SNX29: variants seen among roughly 807,000 people sequenced by gnomAD.
SNX29 encodes the protein sorting nexin 29, also known as sorting nexin-29.
SNX29 carries 78 observed loss-of-function variants against 102.1 expected under a neutral mutation model. That is an observed-to-expected ratio of 0.76 (90% confidence interval 0.64 to 0.92). The LOEUF (loss-of-function observed/expected upper bound fraction) is 0.92. Among genes scored for constraint, SNX29 ranks in the 40% least tolerant of loss-of-function variants. SNX29 has a pLI of 0.00. For synonymous variants in SNX29, 580 were observed against 414.5 expected (o/e 1.40, Z -4.85); for missense variants, 1,280 against 1,061.7 (o/e 1.21, Z -2.86).
chr16:12,143,254 C>T (rs977755352), intron 13 of SNX29, among the ~76,000 whole-genome samples: 2 of 152,166 alleles, frequency 1.3e-5, no homozygotes, highest in East Asian at 1.9e-4. Flanking sequence ...ACCTCGGCCT[C>T]CCAAAGTGCT....
At chr16:12,324,025 A>C (rs1204540037) in intron 15 of SNX29, among the ~76,000 whole-genome samples, 4 of 151,414 alleles carry the variant, frequency 2.6e-5, no homozygotes, top group Non-Finnish European at 5.9e-5. Flanking sequence ...TACTCCCTCA[A>C]TTTATCCATG....
At chr16:12,060,385 ATT>A (rs978265098) in intron 8 of SNX29, among the ~76,000 whole-genome samples, 15 of 152,252 alleles carry the variant, frequency 9.9e-5, no homozygotes, top group African/African-American at 3.1e-4. Flanking sequence ...TGAGGCTAGG[ATT>A]TTGAGACCAG....
At chr16:12,258,423 G>A (rs2078637870) in intron 14 of SNX29, among the ~76,000 whole-genome samples, 1 of 152,122 alleles carries the variant, frequency 6.6e-6, no homozygotes, top group African/African-American at 2.4e-5. Flanking sequence ...TCTCTGTGTG[G>A]TTGAGGTCTC....
chr16:11,999,620 G>C (rs1163802708), intron 2 of SNX29, among the ~76,000 whole-genome samples: 1 of 152,146 alleles, frequency 6.6e-6, no homozygotes, highest in African/African-American at 2.4e-5. Flanking sequence ...AAAGGCACTG[G>C]GCCAGGTGCA....
chr16:12,129,791 C>G (rs1335121796), intron 13 of SNX29, 33 bp downstream of exon 13: 3 of 1,568,088 alleles, frequency 1.9e-6, no homozygotes, highest in Non-Finnish European at 2.6e-6. Flanking sequence ...GAGGTAAGCA[C>G]GTGGGGGCTT....
At chr16:12,442,705 C>T (rs2085864698) in intron 18 of SNX29, among the ~76,000 whole-genome samples, 1 of 152,060 alleles carries the variant, frequency 6.6e-6, no homozygotes, top group Non-Finnish European at 1.5e-5. Context: ...ATCCTCCCAC[C>T]TCAACCTCTC....
chr16:12,487,210 GC>G (rs1473183463), intron 19 of SNX29, among the ~76,000 whole-genome samples: 10 of 152,146 alleles, frequency 6.6e-5, no homozygotes, highest in Admixed American at 6.5e-4. Flanking sequence ...GGGGCATTGG[GC>G]TGGTAGTGAA....
At chr16:12,528,444 C>T (rs947064455) in intron 20 of SNX29, among the ~76,000 whole-genome samples, 8 of 152,138 alleles carry the variant, frequency 5.3e-5, no homozygotes, top group Non-Finnish European at 7.4e-5. Flanking sequence ...AGGTGATCCG[C>T]GTACCTCGAC....
chr16:12,314,170 T>C (rs1271938639), intron 15 of SNX29, among the ~76,000 whole-genome samples: 1 of 152,202 alleles, frequency 6.6e-6, no homozygotes, highest in East Asian at 1.9e-4. Context: ...TTTTATTTTT[T>C]TTAACCTTTG....
intron 9 of SNX29, among the ~76,000 whole-genome samples, 166 bp from the exon 10 acceptor site, chr16:12,068,891 A>G (rs916438426): frequency 6.6e-6 from 1 of 152,236 alleles, no homozygotes; most frequent in African/African-American, 2.4e-5. Flanking sequence ...ATTATCTCTG[A>G]ACAACAGGAA....
intron 13 of SNX29, among the ~76,000 whole-genome samples, chr16:12,177,330 C>T (rs1247879491): frequency 6.6e-6 from 1 of 152,156 alleles, no homozygotes; most frequent in Non-Finnish European, 1.5e-5. Context: ...GTTTACTTAG[C>T]TGTAAAGTAG....
intron 8 of SNX29, among the ~76,000 whole-genome samples, chr16:12,055,391 C>T (rs1179830166): frequency 6.6e-6 from 1 of 151,902 alleles, no homozygotes; most frequent in African/African-American, 2.4e-5. Context: ...CTACCACACC[C>T]CGCTAACTTT....
intron 18 of SNX29, among the ~76,000 whole-genome samples, chr16:12,410,303 T>A (rs538088085): frequency 3.7e-4 from 56 of 152,152 alleles, no homozygotes; most frequent in Non-Finnish European, 6.3e-4. Flanking sequence ...CGCGTTTTTT[T>A]CTTCTAGAAT....
chr16:12,561,069 G>A (rs1283233083), intron 20 of SNX29: 1 of 224,942 alleles, frequency 4.4e-6, no homozygotes, highest in East Asian at 6.4e-5. Flanking sequence ...TAAAGGCCTT[G>A]ATGGATGTCA....
chr16:12,564,981 G>C (rs1045556898), intron 20 of SNX29, among the ~76,000 whole-genome samples: 3 of 151,042 alleles, frequency 2.0e-5, no homozygotes, highest in Non-Finnish European at 4.4e-5. Flanking sequence ...AGGCGTTTCA[G>C]CTTCCGACTA....
chr16:12,132,550 C>G (rs907912761), intron 13 of SNX29, among the ~76,000 whole-genome samples: 1 of 152,196 alleles, frequency 6.6e-6, no homozygotes, highest in African/African-American at 2.4e-5. Flanking sequence ...TCTCATCTAG[C>G]TGAAGGGGCT....
intron 19 of SNX29, among the ~76,000 whole-genome samples, chr16:12,520,319 C>T (rs748828316): frequency 1.3e-5 from 2 of 152,208 alleles, no homozygotes; most frequent in Admixed American, 6.5e-5. Flanking sequence ...AACTGAACCC[C>T]GCTTTGGGGA....
intron 20 of SNX29, among the ~76,000 whole-genome samples, chr16:12,567,672 G>C (rs1279965792): frequency 6.6e-6 from 1 of 152,128 alleles, no homozygotes; most frequent in Non-Finnish European, 1.5e-5. Flanking sequence ...TGAGGTGAGA[G>C]GATCACTTGA....
At chr16:12,384,874 A>G (rs1429788477) in intron 16 of SNX29, among the ~76,000 whole-genome samples, 1 of 152,196 alleles carries the variant, frequency 6.6e-6, no homozygotes, top group Non-Finnish European at 1.5e-5. Context: ...GGACACATAT[A>G]AAAAGTGCTG....
Sources: allele counts gnomAD v4.1 joint callset (sites outside exome capture counted in the v4.1 genomes callset), GRCh38; gene constraint gnomAD v4.1.1; transcripts MANE v1.5; gene names NCBI Gene and HGNC (gene_info 2026-07-23, HGNC 2026-07-21).